Variants in ANKDD1B observed in about 807,000 individuals in gnomAD.
ANKDD1B encodes the protein ankyrin repeat and death domain containing 1B, also known as ankyrin repeat and death domain-containing protein 1B.
In ANKDD1B, 57 loss-of-function variants were observed where a neutral mutation model predicts 59.7. The ratio of observed to expected loss-of-function variants is 0.95; its 90% CI spans 0.77 to 1.19. The LOEUF (loss-of-function observed/expected upper bound fraction) is 1.19. ANKDD1B is among the 50% of genes most tolerant of loss of function. ANKDD1B has a pLI of 0.00. For synonymous variants in ANKDD1B, 216 were observed against 239.5 expected (o/e 0.90, Z 0.91); for missense variants, 602 against 641.9 (o/e 0.94, Z 0.67).
intron 7 of ANKDD1B, 125 bp from the exon 8 acceptor site, chr5:75,653,017 T>C: frequency 1.4e-6 from 1 of 701,436 alleles, no homozygotes; most frequent in Non-Finnish European, 2.5e-6. Context: ...CAAATCACTG[T>C]TAAGTGATGC....
Position 75,616,868 on chromosome 5 carries a change from G to T in ANKDD1B, c.258G>T (p.Lys86Asn), listed in dbSNP as rs1407085903. 4 of 1,532,246 alleles carry T rather than the reference G, an allele frequency of 2.6e-6. No individual in the cohort carries two copies. The South Asian group carries it at 4.8e-5, about 18-fold the overall frequency. The allele number at this position is 1,532,246 out of a possible 1,614,324, so 94.9% of individuals were successfully genotyped here. A position where few individuals can be genotyped will look rare whatever the true frequency, so the allele number is the denominator to read the frequency against. The change falls in exon 2 of 14, where the codon AAG becomes AAT. Residue 86 changes from lysine (K) to asparagine (N), a missense_variant. Transcript: ENST00000601380. ...GCAATAATTTGGATCTTATGGAGAA[G>T]CTGTTTGAAAAGAAGGTTAACATTA... ...AKSNNLDLME[K>N]LFEKKVNINV...
intron 9 of ANKDD1B, among the ~76,000 whole-genome samples, chr5:75,658,476 A>G (rs1294250528): frequency 6.6e-6 from 1 of 152,218 alleles, no homozygotes; most frequent in Non-Finnish European, 1.5e-5. Context: ...ATTTCTTTTG[A>G]AACTCTTATC....
At chr5:75,657,796 T>C (rs969927722) in intron 9 of ANKDD1B, among the ~76,000 whole-genome samples, 1 of 151,292 alleles carries the variant, frequency 6.6e-6, no homozygotes, top group East Asian at 1.9e-4. Flanking sequence ...CTTGGGAGAC[T>C]GAGGCAGAAG....
intron 5 of ANKDD1B, among the ~76,000 whole-genome samples, chr5:75,626,303 T>C (rs1376564497): frequency 1.3e-5 from 2 of 152,198 alleles, no homozygotes; most frequent in African/African-American, 4.8e-5. Context: ...GGGAATATAT[T>C]TGACCCAAAG....
Position 75,671,363 on chromosome 5 carries a change from TAAAA to T in ANKDD1B, c.*327_*330del, listed in dbSNP as rs1336875426. ...TCATGGGAGCAGCATCATGGTACAG[TAAAA>T]AAACAAGGGTTTTTATAATAGACAA... is the stretch of plus-strand genomic sequence containing the variant. On this transcript the variant is annotated 3_prime_UTR_variant, in exon 14 of 14. Coordinates refer to ENST00000601380, the MANE Select transcript of ANKDD1B (RefSeq NM_001276713.2). The T allele has an allele frequency of 1.1e-5, 2 of 188,554 alleles. No homozygotes were observed. Among genetic ancestry groups the T allele is most frequent in the African/African-American group, 4.6e-5 (2 of 43,194 alleles). The allele number at this position is 188,554 out of a possible 1,614,324, so 11.7% of individuals were successfully genotyped here.
At chr5:75,650,817 G>A (rs1339303473) in intron 7 of ANKDD1B, among the ~76,000 whole-genome samples, 2 of 152,184 alleles carry the variant, frequency 1.3e-5, no homozygotes, top group African/African-American at 4.8e-5. Flanking sequence ...TGGCTCTGTG[G>A]GTTGACTGGG....
chr5:75,639,265 C>T (rs370204361), intron 7 of ANKDD1B, among the ~76,000 whole-genome samples: 51 of 151,256 alleles, frequency 3.4e-4, no homozygotes, highest in South Asian at 1.5e-3. Flanking sequence ...GGTGTGATCT[C>T]GGCTCACTGC....
intron 12 of ANKDD1B, among the ~76,000 whole-genome samples, chr5:75,667,222 G>A (rs918198480): frequency 5.9e-5 from 9 of 152,208 alleles, no homozygotes; most frequent in Non-Finnish European, 1.3e-4. Context: ...TGTAAAGGAT[G>A]ATTATGTGTA....
intron 7 of ANKDD1B, among the ~76,000 whole-genome samples, chr5:75,648,267 T>TAAAAAAAAAA (rs57389631): frequency 2.3e-5 from 2 of 87,400 alleles, no homozygotes; most frequent in African/African-American, 6.8e-5. Context: ...AAAAAAAAAT[T>TAAAAAAAAAA]AAAAAAAAAA....
chr5:75,611,614 T>G lies in ANKDD1B; in HGVS notation c.-21T>G, dbSNP rs1236458930. 1 of 1,229,660 alleles carries G rather than the reference T, an allele frequency of 8.1e-7. No homozygotes were observed. The highest frequency in any genetic ancestry group is 1.0e-6 in the Non-Finnish European group (1 of 986,876). 76.2% of individuals were successfully genotyped at this position (1,229,660 alleles called of 1,614,324 possible). ...TCCGAGTCTGGGTCTGGCCCTGCGC[T>G]CAGGGCCCGCGGAGGAGACTATGGA... On this transcript the variant is annotated 5_prime_UTR_variant, in exon 1 of 14. Coordinates refer to ENST00000601380, the MANE Select transcript of ANKDD1B (RefSeq NM_001276713.2).
chr5:75,648,012 A>C (rs1332064715), intron 7 of ANKDD1B, among the ~76,000 whole-genome samples: 3 of 122,264 alleles, frequency 2.5e-5, no homozygotes, highest in East Asian at 4.3e-4. Flanking sequence ...ACAAAAAACC[A>C]AACACCGCAT....
intron 2 of ANKDD1B, among the ~76,000 whole-genome samples, chr5:75,618,738 T>A (rs1773775036): frequency 6.6e-6 from 1 of 152,070 alleles, no homozygotes; most frequent in African/African-American, 2.4e-5. Flanking sequence ...ACTGATGGGT[T>A]TTTTTGTTTT....
At chr5:75,612,026 A>C (rs1203407824) in intron 1 of ANKDD1B, among the ~76,000 whole-genome samples, 199 bp downstream of exon 1, 1 of 151,844 alleles carries the variant, frequency 6.6e-6, no homozygotes, top group Admixed American at 6.6e-5. Flanking sequence ...ATCCACCCCC[A>C]CCATGTACTG....
chr5:75,619,698 G>A (rs1414267200), intron 2 of ANKDD1B, among the ~76,000 whole-genome samples: 2 of 152,174 alleles, frequency 1.3e-5, no homozygotes, highest in African/African-American at 2.4e-5. Context: ...GTATTAGACT[G>A]TCTCTGGGTA....
chr5:75,653,056 T>A (rs1412136744), intron 7 of ANKDD1B, 86 bp from the exon 8 acceptor site: 11 of 896,332 alleles, frequency 1.2e-5, no homozygotes, highest in Non-Finnish European at 1.9e-5. Context: ...TTTCATTGTA[T>A]TAACTGATTA....
chr5:75,618,929 AGT>A (rs1171341073), intron 2 of ANKDD1B, among the ~76,000 whole-genome samples: 1 of 152,130 alleles, frequency 6.6e-6, no homozygotes, highest in Admixed American at 6.5e-5. Context: ...TATTTTTAGT[AGT>A]TACAGGGTTT....
chr5:75,628,455 A>G (rs374470715), intron 5 of ANKDD1B, among the ~76,000 whole-genome samples: 2 of 152,204 alleles, frequency 1.3e-5, no homozygotes, highest in Non-Finnish European at 2.9e-5. Flanking sequence ...CTCAGGGTCT[A>G]TTGATTTACT....
At chr5:75,625,412 G>C (rs1000932843) in intron 3 of ANKDD1B, among the ~76,000 whole-genome samples, 2 of 152,106 alleles carry the variant, frequency 1.3e-5, no homozygotes. Context: ...TGTGAGTATG[G>C]TATGATATAG....
At chr5:75,670,421 C>T (rs76508119) in intron 13 of ANKDD1B, among the ~76,000 whole-genome samples, 3,981 of 152,266 alleles carry the variant, frequency 0.026, 188 homozygotes, top group African/African-American at 0.09. Flanking sequence ...ACATCGTTCT[C>T]AAACAATTGT....
Sources: allele counts gnomAD v4.1 joint callset (sites outside exome capture counted in the v4.1 genomes callset), GRCh38; gene constraint gnomAD v4.1.1; transcripts MANE v1.5; gene names NCBI Gene and HGNC (gene_info 2026-07-23, HGNC 2026-07-21).